Variants in CRB1 observed in about 807,000 individuals in gnomAD.
CRB1 encodes the protein crumbs cell polarity complex component 1.
In CRB1, 83 loss-of-function variants were observed where a neutral mutation model predicts 120.0. The ratio of observed to expected loss-of-function variants is 0.69; its 90% confidence interval spans 0.58 to 0.83. CRB1 has a LOEUF of 0.83. Ranked by LOEUF, CRB1 falls within the 40% of genes least tolerant of loss-of-function variation. The pLI, the probability that CRB1 is intolerant of heterozygous loss-of-function variation, is 0.00. For synonymous variants in CRB1, 625 were observed against 612.5 expected, an observed-to-expected ratio of 1.02 and a Z score of -0.30; for missense variants, 1,699 against 1,687.6, an observed-to-expected ratio of 1.01 and a Z score of -0.12.
chr1:197,430,809 A>T (rs1037214284), intron 8 of CRB1, among the ~76,000 whole-genome samples: 2 of 152,140 alleles, frequency 1.3e-5, no homozygotes, highest in African/African-American at 4.8e-5. Flanking sequence ...TTGCTCATAA[A>T]TATTTGTAAA....
intron 1 of CRB1, among the ~76,000 whole-genome samples, chr1:197,307,223 A>G (rs1172318809): frequency 6.6e-6 from 1 of 152,186 alleles, no homozygotes; most frequent in Non-Finnish European, 1.5e-5. Flanking sequence ...TCAGTATTGC[A>G]GAGTTCAAGC....
At chr1:197,312,705 A>G (rs963838133) in intron 1 of CRB1, among the ~76,000 whole-genome samples, 8 of 152,214 alleles carry the variant, frequency 5.3e-5, no homozygotes, top group African/African-American at 1.9e-4. Context: ...GCACTTTTAT[A>G]TTGTGTTTTT....
chr1:197,373,261 A>G (rs1011313452), intron 5 of CRB1, among the ~76,000 whole-genome samples: 1 of 152,212 alleles, frequency 6.6e-6, no homozygotes, highest in Non-Finnish European at 1.5e-5. Flanking sequence ...TTAGGTTACT[A>G]TAAGTAATTA....
At chr1:197,236,135 T>G in the CRB1 span, among the ~76,000 whole-genome samples, 43 of 151,634 alleles carry the variant, frequency 2.8e-4, no homozygotes, top group Non-Finnish European at 5.6e-4. Context: ...TATTGTGGGG[T>G]GAACTTGAGA....
chr1:197,248,535 C>T, the CRB1 span, among the ~76,000 whole-genome samples: 38 of 151,940 alleles, frequency 2.5e-4, no homozygotes, highest in South Asian at 7.0e-3. Context: ...AGAAGATCAG[C>T]GAGTTAAGTG....
intron 5 of CRB1, among the ~76,000 whole-genome samples, chr1:197,381,962 C>T (rs898279768): frequency 3.3e-5 from 5 of 152,138 alleles, no homozygotes; most frequent in Non-Finnish European, 5.9e-5. Context: ...GGTCTCTCCT[C>T]CTTTAGACTG....
chr1:197,355,058 G>C (rs1436565075), intron 4 of CRB1, among the ~76,000 whole-genome samples: 1 of 151,764 alleles, frequency 6.6e-6, no homozygotes, highest in Non-Finnish European at 1.5e-5. Context: ...GCTAGATACA[G>C]AGTGCCTATT....
chr1:197,289,720 C>T (rs1558032244), intron 1 of CRB1, among the ~76,000 whole-genome samples: 1 of 151,732 alleles, frequency 6.6e-6, no homozygotes, highest in Non-Finnish European at 1.5e-5. Context: ...TTCTTTTCAG[C>T]TATGTCTAAT....
intron 5 of CRB1, among the ~76,000 whole-genome samples, chr1:197,411,406 A>T (rs1052536084): frequency 6.6e-6 from 1 of 152,180 alleles, no homozygotes; most frequent in Non-Finnish European, 1.5e-5. Context: ...GTTAATAATA[A>T]TTATTAGTAA....
chr1:197,430,511 C>T (rs1020488378), intron 8 of CRB1, among the ~76,000 whole-genome samples: 11 of 152,162 alleles, frequency 7.2e-5, no homozygotes, highest in Middle Eastern at 3.4e-3. Context: ...ATGTGTTGTC[C>T]GCAATATGCT....
the CRB1 span, among the ~76,000 whole-genome samples, chr1:197,236,015 G>A: frequency 6.6e-6 from 1 of 151,910 alleles, no homozygotes; most frequent in Non-Finnish European, 1.5e-5. Context: ...CTTTCCTCTG[G>A]TTCTACTTGG....
chr1:197,426,891 C>T (rs1664610796), intron 6 of CRB1, among the ~76,000 whole-genome samples: 1 of 152,142 alleles, frequency 6.6e-6, no homozygotes, highest in Non-Finnish European at 1.5e-5. Context: ...ATGTAACTAG[C>T]CTAAATCACA....
chr1:197,248,045 TTAAA>T, the CRB1 span, among the ~76,000 whole-genome samples: 3 of 152,024 alleles, frequency 2.0e-5, no homozygotes, highest in Non-Finnish European at 4.4e-5. Context: ...GATTAATACA[TTAAA>T]TAAATCAAAA....
the CRB1 span, among the ~76,000 whole-genome samples, chr1:197,223,679 T>A: frequency 6.6e-6 from 1 of 152,224 alleles, no homozygotes; most frequent in Non-Finnish European, 1.5e-5. Flanking sequence ...GAACAATTTG[T>A]AAATGTCTTC....
chr1:197,412,619 C>T (rs1264555882), intron 5 of CRB1, among the ~76,000 whole-genome samples: 3 of 152,284 alleles, frequency 2.0e-5, no homozygotes, highest in Admixed American at 1.3e-4. Flanking sequence ...CACCTTCACC[C>T]TGTAGCCCCC....
At chr1:197,439,235 C>T (rs1665314489) in intron 10 of CRB1, 1 of 162,068 alleles carries the variant, frequency 6.2e-6, no homozygotes, top group African/African-American at 2.4e-5. Context: ...GGGGTAAGTT[C>T]AGGGGTAGAA....
intron 1 of CRB1, among the ~76,000 whole-genome samples, chr1:197,282,413 G>A (rs1007207852): frequency 4.0e-5 from 6 of 151,798 alleles, no homozygotes; most frequent in African/African-American, 1.2e-4. Flanking sequence ...CATTGGTCCA[G>A]TAACTCTTCT....
intron 1 of CRB1, among the ~76,000 whole-genome samples, chr1:197,302,095 G>A (rs1257294341): frequency 1.3e-5 from 2 of 152,134 alleles, no homozygotes; most frequent in Non-Finnish European, 2.9e-5. Context: ...TTTCATGAAA[G>A]GAAGAGTCAA....
intron 1 of CRB1, among the ~76,000 whole-genome samples, chr1:197,288,972 T>TA (rs5779860): frequency 0.17 from 23,395 of 141,548 alleles, 1,955 homozygotes; most frequent in South Asian, 0.18. Flanking sequence ...ATACATAGGT[T>TA]AAAAAAAAAA....
Sources: gnomAD v4.1 joint callset for allele counts (sites outside exome capture counted in the v4.1 genomes callset) on GRCh38, gnomAD v4.1.1 for gene constraint, MANE v1.5 for transcripts, NCBI Gene and HGNC (gene_info 2026-07-23, HGNC 2026-07-21) for gene names.